Variants in ACTR3B observed in about 807,000 individuals in gnomAD.
ACTR3B encodes the protein actin related protein 3B.
In ACTR3B, 8 loss-of-function variants were observed where a neutral mutation model predicts 59.0. That is an observed-to-expected ratio of 0.14 (90% CI 0.08 to 0.24). The LOEUF is 0.24. Among genes scored for constraint, ACTR3B ranks in the 10% least tolerant of loss-of-function variants. The pLI is 1.00. For missense variants in ACTR3B, 245 were observed against 552.3 expected (o/e 0.44, Z 5.58); for synonymous variants, 148 against 197.9 (o/e 0.75, Z 2.12).
At chr7:152,852,469 C>T (rs896129074) in intron 10 of ACTR3B, among the ~76,000 whole-genome samples, 1 of 152,186 alleles carries the variant, frequency 6.6e-6, no homozygotes, top group South Asian at 2.1e-4. Context: ...GACACAGCAA[C>T]GGCAGCTTCA....
intron 9 of ACTR3B, among the ~76,000 whole-genome samples, chr7:152,836,900 A>G (rs3854304): frequency 6.6e-6 from 1 of 152,126 alleles, no homozygotes; most frequent in East Asian, 1.9e-4. Flanking sequence ...GCCGGCCTTC[A>G]TGGCTCATGT....
intron 9 of ACTR3B, among the ~76,000 whole-genome samples, chr7:152,846,052 C>G (rs944726338): frequency 2.6e-5 from 4 of 152,252 alleles, no homozygotes; most frequent in African/African-American, 7.2e-5. Flanking sequence ...CATTTCTGAA[C>G]TTTTAGGAAT....
intron 4 of ACTR3B, among the ~76,000 whole-genome samples, chr7:152,807,125 G>A (rs1410866940): frequency 2.6e-5 from 4 of 152,002 alleles, no homozygotes; most frequent in Non-Finnish European, 5.9e-5. Context: ...GTTAGATGAG[G>A]AGTTTGTGTG....
chr7:152,824,382 T>A lies in ACTR3B; in HGVS notation c.859-648T>A, dbSNP rs1338811195. On this transcript the variant is annotated intron_variant, in intron 8 of 11. Transcript: ENST00000256001. This position sits in a 1 kb window ranked among gnomAD's most constrained non-coding sequence, Gnocchi z 4.2. ...GCTGGTGAGCAACTGAATATCCTCC[T>A]CCTTCCTCTGAGAGTGCACATTCAA... Among the ~76,000 whole-genome samples the A allele has an allele frequency of 6.6e-6, 1 of 152,234 alleles. No individual in the cohort carries two copies. Among genetic ancestry groups the A allele is most frequent in the African/African-American group, 2.4e-5 (1 of 41,460 alleles).
At chr7:152,820,841 T>C (rs1796087132) in intron 7 of ACTR3B, among the ~76,000 whole-genome samples, 1 of 152,230 alleles carries the variant, frequency 6.6e-6, no homozygotes. Flanking sequence ...TGCACAAAAT[T>C]CACACACAGG....
chr7:152,826,038 C>T (rs1011066569), intron 9 of ACTR3B, among the ~76,000 whole-genome samples: 4 of 152,028 alleles, frequency 2.6e-5, no homozygotes, highest in South Asian at 2.1e-4. Flanking sequence ...TGAGTCGCGC[C>T]GTCAGCTCAG....
At chr7:152,779,645 A>G (rs540555286) in intron 1 of ACTR3B, among the ~76,000 whole-genome samples, 1 of 152,234 alleles carries the variant, frequency 6.6e-6, no homozygotes, top group Admixed American at 6.5e-5. Context: ...CCTGCTCTTC[A>G]TGGCATTGAG....
At chr7:152,849,060 G>C (rs1032707988) in intron 9 of ACTR3B, among the ~76,000 whole-genome samples, 1 of 152,218 alleles carries the variant, frequency 6.6e-6, no homozygotes, top group Non-Finnish European at 1.5e-5. Flanking sequence ...GCGTCAGGGG[G>C]CTGCCTCTCG....
intron 4 of ACTR3B, chr7:152,812,017 G>GTTTT (rs1156557265): frequency 1.1e-4 from 5 of 45,460 alleles, no homozygotes; most frequent in African/African-American, 4.7e-4. Context: ...GAAAATAAAA[G>GTTTT]TCTTTTTTTT....
chr7:152,788,858 C>T lies in ACTR3B; in HGVS notation c.100+5616C>T, dbSNP rs2098183760. Among the ~76,000 whole-genome samples, 7 of 152,260 alleles carry T rather than the reference C, an allele frequency of 4.6e-5. No individual in the cohort carries two copies. In the South Asian group the frequency reaches 1.5e-3, roughly 32 times the overall value. ...CCAACATGGTGAAACCTTGTCTCTACTAAAAAATACAAAAATTAGCCGGAT... is the reference window on the plus strand; with the variant it reads ...CCAACATGGTGAAACCTTGTCTCTATTAAAAAATACAAAAATTAGCCGGAT... On this transcript the variant is annotated intron_variant, in intron 2 of 11. Coordinates refer to ENST00000256001, the MANE Select transcript of ACTR3B (RefSeq NM_020445.6).
At chr7:152,794,279 G>A (rs1343826461) in intron 2 of ACTR3B, among the ~76,000 whole-genome samples, 3 of 152,018 alleles carry the variant, frequency 2.0e-5, no homozygotes, top group African/African-American at 4.8e-5. Context: ...GTGCAGTGGC[G>A]TGATCTCGGC....
At chr7:152,792,035 G>A (rs186436860) in intron 2 of ACTR3B, among the ~76,000 whole-genome samples, 1,823 of 152,118 alleles carry the variant, frequency 0.012, 28 homozygotes, top group East Asian at 0.033. Flanking sequence ...GGGATTACAG[G>A]TGCCCACCAC....
intron 3 of ACTR3B, among the ~76,000 whole-genome samples, chr7:152,801,344 C>T (rs1245818747): frequency 2.0e-5 from 3 of 152,102 alleles, no homozygotes; most frequent in Non-Finnish European, 4.4e-5. Flanking sequence ...CCTCCCAAAG[C>T]GTTGGATTAG....
chr7:152,851,834 T>C (rs1472314841), intron 9 of ACTR3B, among the ~76,000 whole-genome samples: 1 of 152,118 alleles, frequency 6.6e-6, no homozygotes, highest in Non-Finnish European at 1.5e-5. Flanking sequence ...TTTGGCTTCC[T>C]GGTCTATGTG....
chr7:152,848,070 T>C (rs1302764366), intron 9 of ACTR3B, among the ~76,000 whole-genome samples: 1 of 152,118 alleles, frequency 6.6e-6, no homozygotes, highest in Non-Finnish European at 1.5e-5. Flanking sequence ...TATGTACCTC[T>C]CAGATTATCC....
intron 4 of ACTR3B, among the ~76,000 whole-genome samples, chr7:152,808,833 A>G (rs892180289): frequency 2.0e-5 from 3 of 152,130 alleles, no homozygotes; most frequent in African/African-American, 4.8e-5. Flanking sequence ...GCCCAGCCCC[A>G]TTCTAAGTGT....
At chr7:152,843,880 C>T (rs941780390) in intron 9 of ACTR3B, among the ~76,000 whole-genome samples, 6 of 151,982 alleles carry the variant, frequency 3.9e-5, no homozygotes, top group Non-Finnish European at 7.4e-5. Context: ...TAGTAAAGGG[C>T]CATGATGTAT....
rs1230849889 is a variant in ACTR3B at position 152,825,094 on chromosome 7, C to T, written c.923C>T (p.Pro308Leu). 6.2e-7 allele frequency: 1 copy of T among 1,613,712 alleles called. No individual in the cohort carries two copies. Among genetic ancestry groups the T allele is most frequent in the South Asian group, 1.1e-5 (1 of 91,044 alleles). The change falls in exon 9 of 12, where the codon CCC (proline) becomes CTC (leucine). Residue 308 changes from proline to leucine, a missense_variant. By Grantham distance (98) the Pro-to-Leu change is moderately conservative. Around this residue, in one of 7 missense-constraint regions of ACTR3B, gnomAD observed 153 missense variants for 266.2 expected, o/e 0.57. Transcript: ENST00000256001. ...GTTGATGAAGTAATACAGAACTGCC[C>T]CATCGATGTGCGGCGCCCGCTGTAT... ...DVVDEVIQNC[P>L]IDVRRPLYKN...
At chr7:152,838,417 C>T (rs1396659876) in intron 9 of ACTR3B, among the ~76,000 whole-genome samples, 2 of 152,258 alleles carry the variant, frequency 1.3e-5, no homozygotes, top group East Asian at 3.8e-4. Context: ...CCATCATTCT[C>T]AGCAAACTAT....
Sources: allele counts gnomAD v4.1 joint callset (sites outside exome capture counted in the v4.1 genomes callset), GRCh38; gene constraint gnomAD v4.1.1; regional missense constraint gnomAD v4.1.1; non-coding constraint Gnocchi (gnomAD v3.1); transcripts MANE v1.5; gene names NCBI Gene and HGNC (gene_info 2026-07-23, HGNC 2026-07-21).